SMTN: variants seen among roughly 807,000 people sequenced by gnomAD.
SMTN encodes smoothelin.
In SMTN, 58 loss-of-function variants were observed where a neutral mutation model predicts 102.0. That is an observed-to-expected ratio of 0.57 (90% CI 0.46 to 0.71). The LOEUF (loss-of-function observed/expected upper bound fraction) is 0.71, where lower values mean the gene tolerates loss of function less well. Ranked by LOEUF, SMTN falls within the 30% of genes least tolerant of loss-of-function variation. The probability of loss-of-function intolerance (pLI) is 0.00; values close to 1 mark genes in which losing one functional copy is unlikely to be tolerated. For missense variants in SMTN, 1,185 were observed against 1,241.7 expected, an observed-to-expected ratio of 0.95 and a Z score of 0.69; for synonymous variants, 478 against 497.9, an observed-to-expected ratio of 0.96 and a Z score of 0.53.
chr22:31,080,098 C>T (rs1282156224), upstream of SMTN, among the ~76,000 whole-genome samples: 2 of 152,144 alleles, frequency 1.3e-5, no homozygotes, highest in African/African-American at 2.4e-5. Flanking sequence ...AATGGGACCA[C>T]TTCTCAGGGG....
chr22:31,090,315 C>G, intron 8 of SMTN, 135 bp downstream of exon 8: 1 of 687,104 alleles, frequency 1.5e-6, no homozygotes, highest in Non-Finnish European at 2.4e-6. Flanking sequence ...GATACTGCAC[C>G]CCACCCCTGA....
rs991013545 is a variant in SMTN at position 31,094,020 on chromosome 22, A to G, written c.1633-1283A>G. On this transcript the variant is annotated intron_variant, in intron 11 of 20. Coordinates refer to ENST00000333137, the MANE Select transcript of SMTN (RefSeq NM_134269.3). ...GGCACTAGTGCTCTAAGACTAGGGC[A>G]AGAGGGTGCCAGGCTCCAGCCCTGA... 6.1e-6 allele frequency: 4 copies of G among 659,796 alleles called. No homozygotes were observed. The Admixed American group carries it at 1.2e-4, about 19-fold the overall frequency. The allele number at this position is 659,796 out of a possible 1,614,324, so 40.9% of individuals were successfully genotyped here. A position where few individuals can be genotyped will look rare whatever the true frequency, so the allele number is the denominator to read the frequency against.
At position 31,097,301 on chromosome 22, in the gene SMTN, A is replaced by G; in HGVS notation, c.2122A>G (p.Thr708Ala). 1 of 1,614,096 alleles carries G rather than the reference A, an allele frequency of 6.2e-7. No individual in the cohort carries two copies. Among genetic ancestry groups the G allele is most frequent in the Non-Finnish European group, 8.5e-7 (1 of 1,180,010 alleles). ...GSGSTMMQTK[T>A]FSSSSSSKKM... ...TGGCAGCACCATGATGCAAACCAAG[A>G]CCTTCTCCTCTTCCTCCTCATCCAA... is the stretch of plus-strand genomic sequence containing the variant. The change falls in exon 16 of 21, where the codon ACC becomes GCC. Residue 708 changes from threonine to alanine, a missense_variant. This residue lies in a region of SMTN where 1,096 missense variants were observed against 1,112.7 expected (regional missense o/e 0.98). Coordinates refer to ENST00000333137, the MANE Select transcript of SMTN (RefSeq NM_134269.3).
At chr22:31,093,796 G>T in intron 11 of SMTN, 2 of 1,594,112 alleles carry the variant, frequency 1.3e-6, no homozygotes, top group Non-Finnish European at 8.5e-7. Flanking sequence ...TGCCGAGGAT[G>T]CCGGGACCCC....
In SMTN at chr22:31,104,449, C is replaced by G. The variant is rs147948249; in HGVS notation, c.*154C>G. ...CCTGCGACGCCACGAACTGCGCCTG[C>G]GCGGCAAGAATGTCTAGCCTGCCCG... On this transcript the variant is annotated 3_prime_UTR_variant, in exon 21 of 21. Transcript: ENST00000333137. The G allele has an allele frequency of 9.9e-6, 16 of 1,613,864 alleles. No homozygotes were observed. Among genetic ancestry groups the G allele is most frequent in the Non-Finnish European group, 1.3e-5 (15 of 1,180,014 alleles).
At chr22:31,066,470 G>C (rs1179330438) in intron 1 of SMTN, 3 of 152,118 alleles carry the variant, frequency 2.0e-5, no homozygotes, top group African/African-American at 7.2e-5. Context: ...ACCACGCCTG[G>C]CTAATTTTTG....
chr22:31,096,717 G>A lies in SMTN; in HGVS notation c.1862-16G>A, dbSNP rs183910295. On this transcript the variant is annotated splice_polypyrimidine_tract_variant and intron_variant, in intron 13 of 20. Coordinates refer to ENST00000333137, the MANE Select transcript of SMTN (RefSeq NM_134269.3). The stretch of plus-strand genomic sequence containing the variant: ...TGGTGGCCCTTTTGCGCATGCATGG[G>A]GCATCCCCTGCCCAGACCAGCGGGA... 33 of 1,522,736 alleles carry A rather than the reference G, an allele frequency of 2.2e-5. No homozygotes were observed. The African/African-American group carries it at 4.0e-4, about 18-fold the overall frequency. 94.3% of individuals were successfully genotyped at this position (1,522,736 alleles called of 1,614,324 possible).
rs2043633894 is a variant in SMTN, at chr22:31,096,915, G to A, written c.2026+18G>A. On this transcript the variant is annotated intron_variant, in intron 14 of 20. Coordinates refer to ENST00000333137, the MANE Select transcript of SMTN (RefSeq NM_134269.3). ...CCACTCCAGTAAGGGGCCAAATGGG[G>A]CCGGCCCAGGGCTCAGGGTGGGAAC... The A allele has an allele frequency of 1.2e-6, 2 of 1,606,808 alleles. No homozygotes were observed. Among genetic ancestry groups the A allele is most frequent in the Non-Finnish European group, 1.7e-6 (2 of 1,175,520 alleles).
chr22:31,095,303 A>T lies in SMTN; in HGVS notation c.1633A>T (p.Met545Leu). The T allele has an allele frequency of 6.2e-7, 1 of 1,613,562 alleles. No individual in the cohort carries two copies. Among genetic ancestry groups the T allele is most frequent in the Non-Finnish European group, 8.5e-7 (1 of 1,179,958 alleles). ...TCCATGCCCTCTCCCCACCCTGCAGATGGAAGCAGAGCCAGCAGAGCCTCT... is the reference window on the plus strand; with the variant it reads ...TCCATGCCCTCTCCCCACCCTGCAGTTGGAAGCAGAGCCAGCAGAGCCTCT... Reference protein sequence around the residue: ...PSSRGGCSIKMEAEPAEPLAA... With the variant: ...PSSRGGCSIKLEAEPAEPLAA... The change falls in exon 12 of 21, where the codon ATG (methionine) becomes TTG (leucine). Residue 545 changes from methionine to leucine, a missense_variant and splice_region_variant. Coordinates refer to ENST00000333137, the MANE Select transcript of SMTN (RefSeq NM_134269.3). This position sits in a 1 kb window ranked among gnomAD's most constrained non-coding sequence, Gnocchi z 4.1.
At chr22:31,090,638 C>T (rs976340377) in intron 8 of SMTN, among the ~76,000 whole-genome samples, 170 bp from the exon 9 acceptor site, 12 of 151,826 alleles carry the variant, frequency 7.9e-5, no homozygotes, top group African/African-American at 2.7e-4. Flanking sequence ...GTGGGGATGC[C>T]GGAGTGTGGG....
Position 31,099,833 on chromosome 22 carries a change from A to C in SMTN, c.2540A>C (p.Asp847Ala). The stretch of plus-strand genomic sequence containing the variant: ...CACAACTTCTTCCCTGAGGCCTTCG[A>C]CTATGGGCAGCTTAGCCCTCAGAAC... The part of the protein sequence containing the change: ...LVHNFFPEAF[D>A]YGQLSPQNRR... The change falls in exon 19 of 21, where the codon GAC (aspartate) becomes GCC (alanine). Residue 847 changes from aspartate to alanine, a missense_variant. Asp to Ala is a moderately radical substitution (Grantham distance 126, BLOSUM62 -2). Transcript: ENST00000333137. 1 of 1,614,054 alleles carries C rather than the reference A, an allele frequency of 6.2e-7. No individual in the cohort carries two copies. Among genetic ancestry groups the C allele is most frequent in the Non-Finnish European group, 8.5e-7 (1 of 1,179,944 alleles).
Position 31,091,114 on chromosome 22 carries a change from T to C in SMTN, c.1091T>C (p.Leu364Pro). Residue 364 changes from leucine (L) to proline (P), a missense_variant, in exon 10 of 21, where the codon CTC becomes CCC. This residue lies in a region of SMTN where 1,096 missense variants were observed against 1,112.7 expected (regional missense o/e 0.98). Transcript: ENST00000333137. ...AALSPLTPAR[L>P]LGPSLTSTTP... ...CTAAGTCCCCTGACCCCCGCAAGGCTCCTGGGCCCCTCCCTCACCAGCACC... is the reference window on the plus strand; with the variant it reads ...CTAAGTCCCCTGACCCCCGCAAGGCCCCTGGGCCCCTCCCTCACCAGCACC... 1 of 1,613,612 alleles carries C rather than the reference T, an allele frequency of 6.2e-7. No individual in the cohort carries two copies. Among genetic ancestry groups the C allele is most frequent in the African/African-American group, 1.3e-5 (1 of 74,884 alleles).
At chr22:31,085,803 A>G (rs1277952481) in intron 2 of SMTN, among the ~76,000 whole-genome samples, 1 of 152,240 alleles carries the variant, frequency 6.6e-6, no homozygotes, top group Non-Finnish European at 1.5e-5. Context: ...TGAGGTTGTC[A>G]GTCTCCAGCC....
chr22:31,083,073 C>T (rs2042418399), intron 1 of SMTN, 106 bp from the exon 2 acceptor site: 2 of 1,474,572 alleles, frequency 1.4e-6, no homozygotes, highest in South Asian at 2.4e-5. Context: ...TAGGATGGGA[C>T]AGTAATGGAC....
In SMTN at chr22:31,088,695, A is replaced by G; in HGVS notation, c.295-4A>G. 6.2e-7 allele frequency: 1 copy of G among 1,613,868 alleles called. No individual in the cohort carries two copies. The highest frequency in any genetic ancestry group is 2.2e-5 in the East Asian group (1 of 44,870). ...AACACCCGCGACCTGTCTCTTACCC[A>G]CAGTTGCGAAGCGCTGGTGAGTATG... is the stretch of plus-strand genomic sequence containing the variant. On this transcript the variant is annotated splice_polypyrimidine_tract_variant and splice_region_variant and intron_variant, in intron 4 of 20. Coordinates refer to ENST00000333137, the MANE Select transcript of SMTN (RefSeq NM_134269.3).
rs1043031485 is a variant in SMTN, at chr22:31,088,177, T to C, written c.200+64T>C. On this transcript the variant is annotated intron_variant, in intron 3 of 20. Transcript: ENST00000333137. ...AGTGTGAGCCCTGGCTCAGCTCATGTGTGCAGGCAGGCGTGAGCACAAGTG... is the reference window on the plus strand; with the variant it reads ...AGTGTGAGCCCTGGCTCAGCTCATGCGTGCAGGCAGGCGTGAGCACAAGTG... 4 of 1,514,856 alleles carry C rather than the reference T, an allele frequency of 2.6e-6. No homozygotes were observed. The Admixed American group carries it at 8.0e-5, about 30-fold the overall frequency. 93.8% of individuals were successfully genotyped at this position (1,514,856 alleles called of 1,614,324 possible).
At chr22:31,072,050 G>A (rs2042016470) in intron 1 of SMTN, among the ~76,000 whole-genome samples, 2 of 152,152 alleles carry the variant, frequency 1.3e-5, no homozygotes, top group Non-Finnish European at 2.9e-5. Context: ...AAGAGATAGA[G>A]GGAAGGGATA....
At chr22:31,096,634 C>A in intron 13 of SMTN, 99 bp from the exon 14 acceptor site, 1 of 1,328,976 alleles carries the variant, frequency 7.5e-7, no homozygotes, top group Non-Finnish European at 1.0e-6. Flanking sequence ...TCTAACAAGC[C>A]ACCCTCCACC....
intron 2 of SMTN, among the ~76,000 whole-genome samples, chr22:31,083,915 G>GT (rs1479017638): frequency 6.6e-6 from 1 of 152,184 alleles, no homozygotes; most frequent in Non-Finnish European, 1.5e-5. Context: ...AGAGAGACAG[G>GT]TTTTGTGGGC....
Sources: gnomAD v4.1 joint callset for allele counts (sites outside exome capture counted in the v4.1 genomes callset) on GRCh38, gnomAD v4.1.1 for gene constraint, gnomAD v4.1.1 regional missense constraint, Gnocchi (gnomAD v3.1) non-coding constraint, MANE v1.5 for transcripts, NCBI Gene and HGNC (gene_info 2026-07-23, HGNC 2026-07-21) for gene names.